AKAP19: variants seen among roughly 807,000 people sequenced by gnomAD.
AKAP19 encodes the protein A-kinase anchoring protein 19.
chr2:190,022,987 A>G, the AKAP19 span, among the ~76,000 whole-genome samples: 1 of 152,154 alleles, frequency 6.6e-6, no homozygotes, highest in Non-Finnish European at 1.5e-5. Flanking sequence ...ATGTTAGGCC[A>G]ATGTCTCTGG....
the AKAP19 span, chr2:189,879,922 TCAGA>T: frequency 6.6e-6 from 1 of 152,284 alleles, no homozygotes. Context: ...CCTACGGAAG[TCAGA>T]CCTGCAGGCC....
At chr2:190,029,687 G>T in the AKAP19 span, among the ~76,000 whole-genome samples, 1 of 152,168 alleles carries the variant, frequency 6.6e-6, no homozygotes, top group Non-Finnish European at 1.5e-5. Context: ...TAGTGCAAAA[G>T]TAGCCAGGGA....
the AKAP19 span, among the ~76,000 whole-genome samples, chr2:190,091,975 A>G: frequency 2.0e-5 from 3 of 152,110 alleles, no homozygotes; most frequent in African/African-American, 4.8e-5. Context: ...TGACTACAAT[A>G]TCTTCCTCAG....
chr2:190,038,294 C>T, the AKAP19 span, among the ~76,000 whole-genome samples: 1 of 152,258 alleles, frequency 6.6e-6, no homozygotes, highest in South Asian at 2.1e-4. Flanking sequence ...AGCAGCCAGT[C>T]CAGCAGCCTG....
the AKAP19 span, among the ~76,000 whole-genome samples, chr2:189,978,410 C>T: frequency 6.6e-6 from 1 of 152,186 alleles, no homozygotes; most frequent in Non-Finnish European, 1.5e-5. Flanking sequence ...CACTTGAGGT[C>T]AGGAGTTCAA....
chr2:189,938,779 G>T, the AKAP19 span, among the ~76,000 whole-genome samples: 6 of 152,144 alleles, frequency 3.9e-5, no homozygotes, highest in Non-Finnish European at 8.8e-5. Context: ...CTTCCATGAT[G>T]TAATTATTAC....
the AKAP19 span, among the ~76,000 whole-genome samples, chr2:189,887,044 G>T: frequency 1.3e-5 from 2 of 152,198 alleles, no homozygotes; most frequent in African/African-American, 4.8e-5. Context: ...AGAACATGCA[G>T]ATTCGTTACA....
the AKAP19 span, among the ~76,000 whole-genome samples, chr2:190,015,011 C>A: frequency 6.6e-6 from 1 of 152,164 alleles, no homozygotes; most frequent in African/African-American, 2.4e-5. Flanking sequence ...CACCTCCCAG[C>A]TGCTTTCACA....
At chr2:189,975,058 G>T in the AKAP19 span, among the ~76,000 whole-genome samples, 1 of 152,184 alleles carries the variant, frequency 6.6e-6, no homozygotes, top group Non-Finnish European at 1.5e-5. Flanking sequence ...GTTAGTAGAT[G>T]CAGTTTCTTC....
the AKAP19 span, chr2:190,062,270 G>C: frequency 6.2e-7 from 1 of 1,612,936 alleles, no homozygotes. Context: ...CGTGATAATC[G>C]TCATCTTCCA....
the AKAP19 span, among the ~76,000 whole-genome samples, chr2:190,019,388 T>C: frequency 6.6e-6 from 1 of 152,000 alleles, no homozygotes; most frequent in African/African-American, 2.4e-5. Context: ...TCTCTCTGGG[T>C]GGGGCCTTTG....
At chr2:190,096,294 A>G in the AKAP19 span, among the ~76,000 whole-genome samples, 1 of 152,224 alleles carries the variant, frequency 6.6e-6, no homozygotes, top group African/African-American at 2.4e-5. Context: ...CAGGCTAGCC[A>G]TGTTGGTACA....
At chr2:189,917,477 T>C in the AKAP19 span, 8 of 692,482 alleles carry the variant, frequency 1.2e-5, no homozygotes, top group Non-Finnish European at 7.7e-6. Context: ...GTTGACTCTT[T>C]GAAACAGATA....
the AKAP19 span, among the ~76,000 whole-genome samples, chr2:189,966,413 A>G: frequency 6.6e-6 from 1 of 152,134 alleles, no homozygotes; most frequent in Non-Finnish European, 1.5e-5. Flanking sequence ...AAAAAATGCA[A>G]TACCTTCAAA....
the AKAP19 span, among the ~76,000 whole-genome samples, chr2:190,058,151 G>A: frequency 1.3e-5 from 2 of 151,996 alleles, no homozygotes; most frequent in African/African-American, 4.8e-5. Context: ...AATAGGGAAG[G>A]ACAAATTCAG....
chr2:190,015,566 T>G, the AKAP19 span, among the ~76,000 whole-genome samples: 1 of 152,220 alleles, frequency 6.6e-6, no homozygotes, highest in Non-Finnish European at 1.5e-5. Flanking sequence ...AGACATTTTC[T>G]CCATCATCTT....
the AKAP19 span, chr2:190,180,528 C>T: frequency 1.0e-6 from 1 of 985,524 alleles, no homozygotes; most frequent in African/African-American, 1.7e-5. The surrounding 1 kb of genome is among the most constrained non-coding windows in gnomAD (Gnocchi z 6.8). Context: ...TTTCATTGAC[C>T]TTTGCGGGTC....
At chr2:190,151,070 T>C in the AKAP19 span, among the ~76,000 whole-genome samples, 8 of 152,344 alleles carry the variant, frequency 5.3e-5, no homozygotes, top group South Asian at 1.5e-3. Flanking sequence ...AGAATACTTA[T>C]AAGCACTCAG....
At chr2:189,984,022 G>C in the AKAP19 span, among the ~76,000 whole-genome samples, 1 of 151,978 alleles carries the variant, frequency 6.6e-6, no homozygotes, top group Non-Finnish European at 1.5e-5. Flanking sequence ...TACTTAATAG[G>C]GTAATAGAAT....
Sources: allele counts gnomAD v4.1 joint callset (sites outside exome capture counted in the v4.1 genomes callset), GRCh38; gene constraint gnomAD v4.1.1; non-coding constraint Gnocchi (gnomAD v3.1); transcripts MANE v1.5; gene names NCBI Gene and HGNC (gene_info 2026-07-23, HGNC 2026-07-21).